TASP1: variants seen among roughly 807,000 people sequenced by gnomAD.
TASP1 encodes threonine aspartase 1.
TASP1 carries 16 observed loss-of-function variants against 56.6 expected under a neutral mutation model. That is an observed-to-expected ratio of 0.28 (90% CI 0.19 to 0.43). TASP1 has a LOEUF of 0.43. Ranked by LOEUF, TASP1 falls within the 20% of genes least tolerant of loss-of-function variation. TASP1 has a pLI of 1.00. For missense variants in TASP1, 393 were observed against 511.6 expected, an observed-to-expected ratio of 0.77 and a Z score of 2.24; for synonymous variants, 179 against 184.2, an observed-to-expected ratio of 0.97 and a Z score of 0.23.
chr20:13,576,543 C>T (rs919143134), intron 6 of TASP1, among the ~76,000 whole-genome samples: 2 of 151,842 alleles, frequency 1.3e-5, no homozygotes, highest in Non-Finnish European at 2.9e-5. Flanking sequence ...TTTCCATTTA[C>T]CACAGCATCA....
At chr20:13,111,331 G>A in the TASP1 span, among the ~76,000 whole-genome samples, 1 of 152,152 alleles carries the variant, frequency 6.6e-6, no homozygotes, top group Non-Finnish European at 1.5e-5. Context: ...AGACATAGTA[G>A]TTCTCCAGGG....
In TASP1 at chr20:13,541,300, AAT is replaced by A. The variant is rs201424524; in HGVS notation, c.676-7161_676-7160del. Among the ~76,000 whole-genome samples the A allele has an allele frequency of 6.3e-3, 967 of 152,302 alleles. 28 individuals carry two copies. The highest frequency in any genetic ancestry group is 0.045 in the Admixed American group (690 of 15,294). On this transcript the variant is annotated intron_variant, in intron 8 of 13. Coordinates refer to ENST00000337743, the MANE Select transcript of TASP1 (RefSeq NM_017714.3). ...CCAGAAGGCTATAATTGGTTGGTAT[AAT>A]ATCCTCAAAGAAAAGCAACTATAAA...
chr20:13,173,012 G>A, the TASP1 span, among the ~76,000 whole-genome samples: 2 of 152,154 alleles, frequency 1.3e-5, no homozygotes, highest in East Asian at 3.9e-4. Flanking sequence ...CCAGCCTGTG[G>A]CTCCACCAAC....
chr20:13,269,099 A>G, the TASP1 span, among the ~76,000 whole-genome samples: 1 of 152,170 alleles, frequency 6.6e-6, no homozygotes, highest in Non-Finnish European at 1.5e-5. Flanking sequence ...GGTGGGGGGC[A>G]AAGAGGGCGT....
chr20:13,483,573 C>T (rs111323899), intron 10 of TASP1, among the ~76,000 whole-genome samples: 21 of 152,178 alleles, frequency 1.4e-4, no homozygotes, highest in African/African-American at 3.9e-4. Context: ...TAATATGATA[C>T]GTAGTTCTCT....
At chr20:13,370,496 T>C in the TASP1 span, among the ~76,000 whole-genome samples, 73,918 of 151,872 alleles carry the variant, frequency 0.49, 19,679 homozygotes, top group Non-Finnish European at 0.6. Context: ...TATTTTAAAA[T>C]AATTTATGTT....
At chr20:13,455,663 C>A (rs1361763418) in intron 11 of TASP1, among the ~76,000 whole-genome samples, 1 of 152,038 alleles carries the variant, frequency 6.6e-6, no homozygotes, top group Non-Finnish European at 1.5e-5. Flanking sequence ...AGCAGCAGAC[C>A]ATCCACATCA....
At chr20:13,108,653 C>T in the TASP1 span, among the ~76,000 whole-genome samples, 1 of 152,038 alleles carries the variant, frequency 6.6e-6, no homozygotes, top group South Asian at 2.1e-4. Flanking sequence ...CGGCTCACTG[C>T]AACATCCGTC....
chr20:13,434,340 C>G (rs2042930960), intron 12 of TASP1, among the ~76,000 whole-genome samples: 1 of 151,950 alleles, frequency 6.6e-6, no homozygotes, highest in South Asian at 2.1e-4. Flanking sequence ...TAATGTGTCC[C>G]CTCTGGAGAG....
chr20:13,518,224 A>G (rs1266733971), intron 10 of TASP1, among the ~76,000 whole-genome samples: 1 of 152,102 alleles, frequency 6.6e-6, no homozygotes, highest in Non-Finnish European at 1.5e-5. Context: ...AACTTCTGAG[A>G]AGCCAGTGTC....
the TASP1 span, among the ~76,000 whole-genome samples, chr20:13,106,175 C>A: frequency 6.6e-6 from 1 of 152,182 alleles, no homozygotes; most frequent in East Asian, 1.9e-4. Flanking sequence ...TTTATCTTTT[C>A]TAATAATTCT....
intron 10 of TASP1, among the ~76,000 whole-genome samples, chr20:13,512,235 G>T: frequency 6.6e-6 from 1 of 152,056 alleles, no homozygotes; most frequent in Non-Finnish European, 1.5e-5. Flanking sequence ...GTGTAAAAGT[G>T]TTCCTATTTC....
the TASP1 span, among the ~76,000 whole-genome samples, chr20:13,297,317 A>G: frequency 1.3e-5 from 2 of 152,162 alleles, no homozygotes; most frequent in Non-Finnish European, 2.9e-5. Context: ...CATGTTCTCT[A>G]TGCGGTTTCC....
At chr20:13,140,299 T>C in the TASP1 span, among the ~76,000 whole-genome samples, 1 of 152,184 alleles carries the variant, frequency 6.6e-6, no homozygotes, top group Non-Finnish European at 1.5e-5. Flanking sequence ...TGAATGAGTT[T>C]GAGTGCACCC....
the TASP1 span, among the ~76,000 whole-genome samples, chr20:13,249,993 G>T: frequency 2.6e-5 from 4 of 152,186 alleles, no homozygotes; most frequent in African/African-American, 9.6e-5. Flanking sequence ...GCCCAAGAAA[G>T]TCTATAATGG....
chr20:13,355,047 T>C, the TASP1 span, among the ~76,000 whole-genome samples: 1 of 152,156 alleles, frequency 6.6e-6, no homozygotes, highest in Admixed American at 6.5e-5. Context: ...TGTGATGTTA[T>C]AATGTTAGGA....
At chr20:13,343,955 A>T in the TASP1 span, among the ~76,000 whole-genome samples, 1 of 151,916 alleles carries the variant, frequency 6.6e-6, no homozygotes, top group Non-Finnish European at 1.5e-5. Context: ...CTCCCAGCCC[A>T]CCGGGCTTCT....
intron 10 of TASP1, among the ~76,000 whole-genome samples, chr20:13,509,656 G>C (rs1446012412): frequency 1.3e-5 from 2 of 152,074 alleles, no homozygotes; most frequent in Non-Finnish European, 2.9e-5. Flanking sequence ...TTGAGAAGGA[G>C]TCTCTGTCAC....
chr20:13,156,614 T>A, the TASP1 span, among the ~76,000 whole-genome samples: 1 of 152,230 alleles, frequency 6.6e-6, no homozygotes, highest in Non-Finnish European at 1.5e-5. Flanking sequence ...CCATACAGCA[T>A]TTGGCATGTT....
Sources: allele counts gnomAD v4.1 joint callset (sites outside exome capture counted in the v4.1 genomes callset), GRCh38; gene constraint gnomAD v4.1.1; transcripts MANE v1.5; gene names NCBI Gene and HGNC (gene_info 2026-07-23, HGNC 2026-07-21).